The following HIRA variants were observed in gnomAD, a reference collection of about 807,000 sequenced individuals.
HIRA encodes protein HIRA.
In HIRA, 13 loss-of-function variants were observed where a neutral mutation model predicts 126.6. The ratio of observed to expected loss-of-function variants is 0.10; its 90% confidence interval spans 0.07 to 0.16. The LOEUF is 0.16. Among genes scored for constraint, HIRA ranks in the 10% least tolerant of loss-of-function variants. HIRA has a pLI of 1.00. For synonymous variants in HIRA, 511 were observed against 520.0 expected (o/e 0.98, Z 0.24); for missense variants, 834 against 1,314.4 (o/e 0.63, Z 5.65).
chr22:19,424,091 A>G lies in HIRA; in HGVS notation c.37+7349T>C, dbSNP rs545067320. Among the ~76,000 whole-genome samples the G allele has an allele frequency of 1.9e-4, 29 of 152,352 alleles. No homozygotes were observed. The South Asian group carries it at 5.8e-3, about 30-fold the overall frequency. On this transcript the variant is annotated intron_variant, in intron 1 of 24. Coordinates refer to ENST00000263208, the MANE Select transcript of HIRA (RefSeq NM_003325.4). ...ACTTCCAGCACTCAGCACTCCTTCA[A>G]CATTTACTGAGTGACTACTATGGTG... is the stretch of plus-strand genomic sequence containing the variant.
At chr22:19,342,022 G>A (rs2088634538) in intron 24 of HIRA, among the ~76,000 whole-genome samples, 1 of 152,196 alleles carries the variant, frequency 6.6e-6, no homozygotes. Flanking sequence ...ACAACCCACA[G>A]AGTGGGAGAA....
intron 5 of HIRA, among the ~76,000 whole-genome samples, chr22:19,402,036 C>T (rs978448807): frequency 6.6e-6 from 1 of 152,182 alleles, no homozygotes; most frequent in African/African-American, 2.4e-5. Context: ...AAGGCCTTCG[C>T]ACTGGCTGTC....
rs113882859 is a variant in HIRA at position 19,370,118 on chromosome 22, T to G, written c.1775+5513A>C. Reference sequence around the variant, plus strand: ...GCCTCTCGCCACTACACTTGGCTAATTTTTGTATTTTTATAGTAGAGACGG... The same window carrying G: ...GCCTCTCGCCACTACACTTGGCTAAGTTTTGTATTTTTATAGTAGAGACGG... On this transcript the variant is annotated intron_variant, in intron 15 of 24. Coordinates refer to ENST00000263208, the MANE Select transcript of HIRA (RefSeq NM_003325.4). 9.3e-4 allele frequency among the ~76,000 whole-genome samples: 141 copies of G among 152,162 alleles called. 1 individual carries two copies. Among genetic ancestry groups the G allele is most frequent in the African/African-American group, 3.2e-3 (131 of 41,514 alleles).
chr22:19,383,232 T>C (rs2089093105), intron 13 of HIRA, among the ~76,000 whole-genome samples: 1 of 152,290 alleles, frequency 6.6e-6, no homozygotes, highest in South Asian at 2.1e-4. Flanking sequence ...TTCTTTGGGC[T>C]TTTACTATTT....
intron 1 of HIRA, among the ~76,000 whole-genome samples, chr22:19,423,824 G>A (rs1287917487): frequency 6.6e-6 from 1 of 152,128 alleles, no homozygotes; most frequent in Non-Finnish European, 1.5e-5. Context: ...AAAACCATTT[G>A]CTATCTGTTT....
chr22:19,350,436 T>A (rs2088743505), intron 24 of HIRA, among the ~76,000 whole-genome samples: 1 of 152,234 alleles, frequency 6.6e-6, no homozygotes, highest in Admixed American at 6.5e-5. Context: ...ATTTAATGAA[T>A]GGTTCTGGCA....
intron 1 of HIRA, among the ~76,000 whole-genome samples, chr22:19,420,420 CACGCCACTGCACTGCAGCCTGGGCA>C (rs2089435190): frequency 7.1e-6 from 1 of 141,082 alleles, no homozygotes; most frequent in African/African-American, 2.8e-5. Context: ...GAGCCGTGAT[CACGCCACTGCACTGCAGCCTGGGCA>C]ACAAAAAAAA....
At position 19,361,233 on chromosome 22, in the gene HIRA, T is replaced by C. The variant is rs911085701; in HGVS notation, c.2085+4A>G. 3 of 1,612,678 alleles carry C rather than the reference T, an allele frequency of 1.9e-6. No homozygotes were observed. Among genetic ancestry groups the C allele is most frequent in the Non-Finnish European group, 2.5e-6 (3 of 1,178,758 alleles). ...GGGAGAACTGGCAGGGTCCTAGAAC[T>C]TACCTGGAGGGTGAATGCTCTCTGG... On this transcript the variant is annotated splice_donor_region_variant and intron_variant, in intron 17 of 24. Coordinates refer to ENST00000263208, the MANE Select transcript of HIRA (RefSeq NM_003325.4).
At chr22:19,405,510 A>G (rs956030067) in intron 5 of HIRA, 5 of 985,282 alleles carry the variant, frequency 5.1e-6, no homozygotes, top group Non-Finnish European at 6.0e-6. Context: ...TCAGCAGGAC[A>G]AACAGCAGAA....
At chr22:19,425,485 A>G (rs1056824883) in intron 1 of HIRA, among the ~76,000 whole-genome samples, 1 of 152,144 alleles carries the variant, frequency 6.6e-6, no homozygotes, top group Admixed American at 6.5e-5. Context: ...AGGACCCAAG[A>G]TCAGCACAGT....
intron 1 of HIRA, among the ~76,000 whole-genome samples, chr22:19,429,493 A>G (rs2089514616): frequency 6.6e-6 from 1 of 152,092 alleles, no homozygotes; most frequent in African/African-American, 2.4e-5. Flanking sequence ...TTTGGGGAGC[A>G]TTTTTATATC....
At chr22:19,388,429 C>G (rs1285907692) in intron 10 of HIRA, 55 bp downstream of exon 10, 1 of 1,413,672 alleles carries the variant, frequency 7.1e-7, no homozygotes, top group Non-Finnish European at 1.0e-6. Flanking sequence ...GCCTCATGTT[C>G]CAATGTGTGG....
Position 19,385,667 on chromosome 22 carries a change from C to T in HIRA, c.1183G>A (p.Val395Ile), listed in dbSNP as rs745364733. ...TTGAGCATCTCAGGGTTCTCAATGA[C>T]GGCTGTGGAGAGCTGGGCCTCGGTC... ...IMTEAQLSTA[V>I]IENPEMLKYQ... The change falls in exon 12 of 25, where the codon GTC becomes ATC. Residue 395 changes from valine (V) to isoleucine (I), a missense_variant. Val to Ile is a conservative substitution (Grantham distance 29, BLOSUM62 3). This residue lies in a region of HIRA where 153 missense variants were observed against 270.6 expected (regional missense o/e 0.57). Coordinates refer to ENST00000263208, the MANE Select transcript of HIRA (RefSeq NM_003325.4). The T allele has an allele frequency of 2.0e-5, 33 of 1,614,032 alleles. No homozygotes were observed. Among genetic ancestry groups the T allele is most frequent in the African/African-American group, 2.7e-5 (2 of 74,932 alleles).
At chr22:19,369,740 TG>T (rs1311914993) in intron 15 of HIRA, among the ~76,000 whole-genome samples, 9 of 152,110 alleles carry the variant, frequency 5.9e-5, no homozygotes, top group Admixed American at 1.3e-4. Context: ...AAGACCAGCC[TG>T]GCCAACATGG....
chr22:19,343,091 CAG>C (rs1281404812), intron 24 of HIRA, among the ~76,000 whole-genome samples: 10 of 151,982 alleles, frequency 6.6e-5, no homozygotes, highest in African/African-American at 2.4e-4. Flanking sequence ...TTTGGGGACT[CAG>C]GGGGAAGGGT....
intron 12 of HIRA, among the ~76,000 whole-genome samples, 173 bp from the exon 13 acceptor site, chr22:19,383,878 G>A (rs897363246): frequency 7.2e-5 from 11 of 152,148 alleles, no homozygotes; most frequent in Non-Finnish European, 7.3e-5. Context: ...GCACTATGCT[G>A]TAGGGGAGAT....
chr22:19,342,208 A>G (rs185426333), intron 24 of HIRA, among the ~76,000 whole-genome samples: 1 of 152,330 alleles, frequency 6.6e-6, no homozygotes, highest in East Asian at 1.9e-4. Context: ...AAAAATGCTC[A>G]ACATCACTAA....
chr22:19,391,582 C>A (rs907896023), intron 9 of HIRA, among the ~76,000 whole-genome samples: 1 of 151,482 alleles, frequency 6.6e-6, no homozygotes, highest in Non-Finnish European at 1.5e-5. Flanking sequence ...CCCAGGTTCA[C>A]GCCATTCTCC....
chr22:19,409,260 C>G (rs181934380), intron 2 of HIRA, among the ~76,000 whole-genome samples: 1 of 151,962 alleles, frequency 6.6e-6, no homozygotes, highest in East Asian at 1.9e-4. Flanking sequence ...AAAAAATATA[C>G]CCATGCCTTT....
Sources: gnomAD v4.1 joint callset for allele counts (sites outside exome capture counted in the v4.1 genomes callset) on GRCh38, gnomAD v4.1.1 for gene constraint, gnomAD v4.1.1 regional missense constraint, MANE v1.5 for transcripts, NCBI Gene and HGNC (gene_info 2026-07-23, HGNC 2026-07-21) for gene names.